Variants in SPAG17 observed in about 807,000 individuals in gnomAD.
SPAG17 encodes the protein sperm associated antigen 17.
In SPAG17, 169 loss-of-function variants were observed where a neutral mutation model predicts 273.6. That is an observed-to-expected ratio of 0.62 (90% CI 0.55 to 0.70). The LOEUF is 0.70. Ranked by LOEUF, SPAG17 falls within the 30% of genes least tolerant of loss-of-function variation. SPAG17 has a pLI of 0.00. For missense variants in SPAG17, 2,557 were observed against 2,627.8 expected, an observed-to-expected ratio of 0.97 and a Z score of 0.59; for synonymous variants, 825 against 873.2, an observed-to-expected ratio of 0.94 and a Z score of 0.97.
intron 15 of SPAG17, among the ~76,000 whole-genome samples, chr1:118,078,291 T>A (rs553367428): frequency 1.3e-5 from 2 of 152,188 alleles, no homozygotes; most frequent in Non-Finnish European, 2.9e-5. Flanking sequence ...TTTATCCAAT[T>A]TTGGCCCATA....
intron 3 of SPAG17, among the ~76,000 whole-genome samples, chr1:118,122,376 A>G (rs1657473292): frequency 6.6e-6 from 1 of 152,250 alleles, no homozygotes; most frequent in South Asian, 2.1e-4. Context: ...TGCGGAAGCC[A>G]TAACTACATA....
At position 118,054,006 on chromosome 1, in the gene SPAG17, A is replaced by G; in HGVS notation, c.2810T>C (p.Leu937Pro). 1 of 1,604,464 alleles carries G rather than the reference A, an allele frequency of 6.2e-7. No individual in the cohort carries two copies. The highest frequency in any genetic ancestry group is 8.5e-7 in the Non-Finnish European group (1 of 1,173,418). ...EKIPFILEGS[L>P]KAWKEEQHRL... ...ACTTTATGTAAGCTGGATTACCTTG[A>G]GAGAGCCTTCTAAAATGAAAGGAAT... The change falls in exon 20 of 49, where the codon CTC becomes CCC. Residue 937 changes from leucine to proline, a missense_variant. Leu to Pro is a moderately conservative substitution (Grantham distance 98). Coordinates refer to ENST00000336338, the MANE Select transcript of SPAG17 (RefSeq NM_206996.4).
chr1:117,976,029 G>T (rs887763303), intron 43 of SPAG17, among the ~76,000 whole-genome samples: 1 of 152,172 alleles, frequency 6.6e-6, no homozygotes, highest in African/African-American at 2.4e-5. Flanking sequence ...TTACAGAAGA[G>T]AAATAGGAAG....
intron 32 of SPAG17, 58 bp downstream of exon 32, chr1:118,005,356 T>C (rs1030274898): frequency 3.7e-5 from 52 of 1,404,668 alleles, no homozygotes; most frequent in South Asian, 1.6e-4. Context: ...CTTTGTAGTG[T>C]GAAATATCTC....
chr1:118,177,824 T>C (rs2102405633), intron 1 of SPAG17, among the ~76,000 whole-genome samples: 1 of 152,124 alleles, frequency 6.6e-6, no homozygotes, highest in African/African-American at 2.4e-5. Context: ...CTAGAAGAAA[T>C]GGATAAATTC....
intron 3 of SPAG17, among the ~76,000 whole-genome samples, chr1:118,136,801 ATGTGTGTGTGTG>A (rs5777337): frequency 6.8e-6 from 1 of 147,148 alleles, no homozygotes; most frequent in African/African-American, 2.5e-5. Context: ...GTGTGTGTGT[ATGTGTGTGTGTG>A]TGTGTGTGTG....
At chr1:117,997,993 T>C (rs1367489088) in intron 32 of SPAG17, among the ~76,000 whole-genome samples, 1 of 152,124 alleles carries the variant, frequency 6.6e-6, no homozygotes. Flanking sequence ...ATTCTGTAGG[T>C]TGTCTGTTTA....
chr1:118,121,850 G>T (rs554780438), intron 3 of SPAG17, among the ~76,000 whole-genome samples: 294 of 152,268 alleles, frequency 1.9e-3, no homozygotes, highest in African/African-American at 6.9e-3. Context: ...TTGAAGAGCT[G>T]ATAAAAAGAG....
At chr1:118,102,926 C>T (rs1656159973) in intron 4 of SPAG17, among the ~76,000 whole-genome samples, 2 of 152,152 alleles carry the variant, frequency 1.3e-5, no homozygotes, top group African/African-American at 2.4e-5. Flanking sequence ...CAGAGGGGCC[C>T]ATGGCTTCTA....
At chr1:117,979,284 A>G (rs1655491541) in intron 43 of SPAG17, among the ~76,000 whole-genome samples, 1 of 152,172 alleles carries the variant, frequency 6.6e-6, no homozygotes, top group South Asian at 2.1e-4. Flanking sequence ...CAACATCAGC[A>G]CCACTTGTGA....
At chr1:118,131,199 T>C (rs1365428272) in intron 3 of SPAG17, among the ~76,000 whole-genome samples, 3 of 152,252 alleles carry the variant, frequency 2.0e-5, no homozygotes, top group Non-Finnish European at 1.5e-5. Flanking sequence ...AGTTCCTACA[T>C]GGACTGGCCA....
At chr1:118,088,389 G>A (rs763158599) in intron 10 of SPAG17, among the ~76,000 whole-genome samples, 23 of 152,118 alleles carry the variant, frequency 1.5e-4, no homozygotes, top group Non-Finnish European at 3.1e-4. Context: ...AACAAGAAAG[G>A]ATAAGATAAA....
intron 27 of SPAG17, among the ~76,000 whole-genome samples, chr1:118,024,795 T>G (rs1647536740): frequency 6.6e-6 from 1 of 152,218 alleles, no homozygotes; most frequent in African/African-American, 2.4e-5. Context: ...TGTTTAATTT[T>G]GCTGCATGTT....
Position 117,984,682 on chromosome 1 carries a change from C to A in SPAG17, c.5769+1G>T. ...GATTATAGTTCATTATATTCAATTA[C>A]CTGAGACTGATATAACTGGTTCAAT... On this transcript the variant is annotated splice_donor_variant, in intron 41 of 48. Transcript: ENST00000336338. LOFTEE classifies it high-confidence loss of function. The A allele has an allele frequency of 6.4e-7, 1 of 1,571,634 alleles. No individual in the cohort carries two copies. Among genetic ancestry groups the A allele is most frequent in the South Asian group, 1.1e-5 (1 of 88,558 alleles).
chr1:118,116,756 A>T (rs1325790289), intron 3 of SPAG17, among the ~76,000 whole-genome samples: 1 of 152,224 alleles, frequency 6.6e-6, no homozygotes, highest in African/African-American at 2.4e-5. Flanking sequence ...GGATTCCTTT[A>T]AAGCTGCCTT....
intron 43 of SPAG17, among the ~76,000 whole-genome samples, chr1:117,975,906 A>C (rs183390852): frequency 2.1e-4 from 32 of 152,322 alleles, no homozygotes; most frequent in African/African-American, 7.0e-4. Context: ...ATTATTATTA[A>C]TAGTAAATAT....
chr1:118,025,357 G>C lies in SPAG17; in HGVS notation c.3790C>G (p.Gln1264Glu). The change falls in exon 27 of 49, where the codon CAG becomes GAG. Residue 1264 changes from glutamine (Q) to glutamate (E), a missense_variant. Physicochemically the swap from Gln to Glu is conservative, Grantham distance 29. Transcript: ENST00000336338. Reference protein sequence around the residue: ...WDIMVRQSYPQRVKHYEFYKT... With the variant: ...WDIMVRQSYPERVKHYEFYKT... The stretch of plus-strand genomic sequence containing the variant: ...TAGAACTCATAGTGCTTCACCCTCT[G>C]GGGGTAGCTCTGACGGACCATGATG... 1.2e-6 allele frequency: 2 copies of C among 1,612,284 alleles called. No homozygotes were observed. Among genetic ancestry groups the C allele is most frequent in the South Asian group, 1.1e-5 (1 of 90,872 alleles).
chr1:118,021,505 T>A (rs1438154287), intron 28 of SPAG17, among the ~76,000 whole-genome samples: 1 of 152,164 alleles, frequency 6.6e-6, no homozygotes, highest in Admixed American at 6.6e-5. Flanking sequence ...AGACATAGAA[T>A]GTACAACACC....
Position 118,005,517 on chromosome 1 carries a change from T to G in SPAG17, c.4673A>C (p.Tyr1558Ser). The part of the protein sequence containing the change: ...YCHESSSNIY[Y>S]PFQKREQLRA... The stretch of plus-strand genomic sequence containing the variant: ...CAGCTGCTCACGCTTTTGAAAAGGA[T>G]AGTATATATTACTGCTTGACTCATG... Residue 1558 changes from tyrosine (Y) to serine (S), a missense_variant, in exon 32 of 49, where the codon TAT becomes TCT. Transcript: ENST00000336338. The G allele has an allele frequency of 6.2e-7, 1 of 1,613,298 alleles. No individual in the cohort carries two copies. Among genetic ancestry groups the G allele is most frequent in the Non-Finnish European group, 8.5e-7 (1 of 1,179,556 alleles).
Sources: allele counts gnomAD v4.1 joint callset (sites outside exome capture counted in the v4.1 genomes callset), GRCh38; gene constraint gnomAD v4.1.1; transcripts MANE v1.5; gene names NCBI Gene and HGNC (gene_info 2026-07-23, HGNC 2026-07-21).